ITCH: variants seen among roughly 807,000 people sequenced by gnomAD.
ITCH encodes the protein itchy E3 ubiquitin protein ligase.
A neutral mutation model predicts 126.8 loss-of-function variants in ITCH; 28 were observed. The observed-to-expected ratio is 0.22, with a 90% CI of 0.16 to 0.30. ITCH has a LOEUF of 0.30. ITCH is among the 10% of genes least tolerant of loss of function. The pLI is 1.00. For synonymous variants in ITCH, 342 were observed against 340.0 expected, an observed-to-expected ratio of 1.01 and a Z score of -0.06; for missense variants, 631 against 1,032.4, an observed-to-expected ratio of 0.61 and a Z score of 5.33.
intron 18 of ITCH, 101 bp downstream of exon 18, chr20:34,479,890 T>C (rs1988570599): frequency 9.9e-7 from 1 of 1,014,288 alleles, no homozygotes; most frequent in South Asian, 1.3e-5. Flanking sequence ...GGAAGTGGTT[T>C]TTTGTTTTGT....
In ITCH at chr20:34,482,735, C is replaced by T. The variant is rs762673882; in HGVS notation, c.2093+1529C>T. On this transcript the variant is annotated intron_variant, in intron 20 of 24. Transcript: ENST00000374864. ...ATCTACCATTCTGGGGTCTAGAGGACGGTTGCCCTCTTCTCACAGCTCCAC... is the reference window on the plus strand; with the variant it reads ...ATCTACCATTCTGGGGTCTAGAGGATGGTTGCCCTCTTCTCACAGCTCCAC... Among the ~76,000 whole-genome samples, 12 of 152,164 alleles carry T rather than the reference C, an allele frequency of 7.9e-5. No individual in the cohort carries two copies. In the East Asian group the frequency reaches 9.6e-4, roughly 12 times the overall value.
chr20:34,466,992 A>C (rs1332848877), intron 14 of ITCH, among the ~76,000 whole-genome samples: 1 of 152,196 alleles, frequency 6.6e-6, no homozygotes, highest in Non-Finnish European at 1.5e-5. Context: ...CTAGAAGATA[A>C]ATTTTTGGTA....
At chr20:34,403,057 A>G (rs1459210123) in intron 3 of ITCH, among the ~76,000 whole-genome samples, 1 of 151,972 alleles carries the variant, frequency 6.6e-6, no homozygotes, top group Non-Finnish European at 1.5e-5. Context: ...AGAATTTTAT[A>G]CTTGTGATTT....
Position 34,417,172 on chromosome 20 carries a change from C to A in ITCH, c.475+3293C>A, listed in dbSNP as rs962670147. ...AGTGCAATAGTGCGATCTCGGCTCA[C>A]TGCAACCTCTGCCTCCCGGGTTTAA... On this transcript the variant is annotated intron_variant, in intron 6 of 24. Coordinates refer to ENST00000374864, the MANE Select transcript of ITCH (RefSeq NM_031483.7). The A allele has an allele frequency of 8.8e-6, 6 of 683,338 alleles. No individual in the cohort carries two copies. The Admixed American group carries it at 1.2e-4, about 14-fold the overall frequency. 42.3% of individuals were successfully genotyped at this position (683,338 alleles called of 1,614,324 possible). A position where few individuals can be genotyped will look rare whatever the true frequency, so the allele number is the denominator to read the frequency against.
intron 11 of ITCH, among the ~76,000 whole-genome samples, chr20:34,445,779 T>G (rs1375731504): frequency 6.6e-6 from 1 of 152,156 alleles, no homozygotes; most frequent in East Asian, 1.9e-4. Context: ...ATTAAAACAT[T>G]TCTAAATTTA....
intron 2 of ITCH, among the ~76,000 whole-genome samples, chr20:34,375,557 G>A (rs975668801): frequency 4.6e-5 from 7 of 151,762 alleles, no homozygotes; most frequent in Admixed American, 3.9e-4. Flanking sequence ...AACATAGTGA[G>A]ACCCCATCTT....
At chr20:34,371,007 A>G (rs1388818550) in intron 2 of ITCH, among the ~76,000 whole-genome samples, 126 of 151,874 alleles carry the variant, frequency 8.3e-4, no homozygotes, top group African/African-American at 2.9e-3. Flanking sequence ...TCTCTACTAA[A>G]AGTACAAAAA....
rs11477181 is a variant in ITCH at position 34,387,704 on chromosome 20, A to AT, written c.-21-6076dup. On this transcript the variant is annotated intron_variant, in intron 2 of 24. Transcript: ENST00000374864. The stretch of plus-strand genomic sequence containing the variant: ...TAGAGTTTTAAAATATTGTTACTAG[A>AT]TTTTTTTTTTTCTTTTTTGAGATGG... Among the ~76,000 whole-genome samples the AT allele has an allele frequency of 1.5e-3, 230 of 148,958 alleles. 1 individual carries two copies. Among genetic ancestry groups the AT allele is most frequent in the African/African-American group, 4.8e-3 (195 of 40,552 alleles).
intron 22 of ITCH, among the ~76,000 whole-genome samples, chr20:34,490,181 T>C (rs1317315154): frequency 6.6e-6 from 1 of 152,192 alleles, no homozygotes; most frequent in Non-Finnish European, 1.5e-5. Context: ...CTACATTTGA[T>C]TTAAATGGTT....
chr20:34,504,762 A>C (rs1990514618), intron 24 of ITCH, among the ~76,000 whole-genome samples: 1 of 152,202 alleles, frequency 6.6e-6, no homozygotes, highest in South Asian at 2.1e-4. Flanking sequence ...ATCTAATCCT[A>C]ATCTGACAGC....
chr20:34,411,509 G>C (rs894656267), intron 4 of ITCH, among the ~76,000 whole-genome samples: 14 of 152,268 alleles, frequency 9.2e-5, no homozygotes, highest in African/African-American at 3.1e-4. Flanking sequence ...AGTAGCATCT[G>C]AGAATTTTGA....
chr20:34,380,768 C>G (rs1316109022), intron 2 of ITCH, among the ~76,000 whole-genome samples: 2 of 151,680 alleles, frequency 1.3e-5, no homozygotes, highest in Non-Finnish European at 2.9e-5. Flanking sequence ...TGAGTGCAAT[C>G]AAAATTAGAA....
At chr20:34,408,944 T>C in intron 4 of ITCH, 152 bp downstream of exon 4, 1 of 781,922 alleles carries the variant, frequency 1.3e-6, no homozygotes, top group African/African-American at 1.8e-5. Context: ...GGACTCCTTC[T>C]GGTTTGCTTT....
Position 34,424,542 on chromosome 20 carries a change from T to G in ITCH, c.521+17T>G. On this transcript the variant is annotated intron_variant, in intron 7 of 24. Transcript: ENST00000374864. ...TGAAACAAGGTAAGCATTCACTGAT[T>G]GCTTACCACAGAATGCGGAGAGATA... is the stretch of plus-strand genomic sequence containing the variant. The G allele has an allele frequency of 6.2e-7, 1 of 1,601,624 alleles. No individual in the cohort carries two copies. Among genetic ancestry groups the G allele is most frequent in the Non-Finnish European group, 8.6e-7 (1 of 1,168,654 alleles).
At chr20:34,500,473 G>T (rs192341889) in intron 23 of ITCH, among the ~76,000 whole-genome samples, 1 of 152,180 alleles carries the variant, frequency 6.6e-6, no homozygotes, top group African/African-American at 2.4e-5. Context: ...CCTGATATAT[G>T]TATAGCTACT....
At chr20:34,433,778 T>C (rs1481477663) in intron 7 of ITCH, among the ~76,000 whole-genome samples, 2 of 151,770 alleles carry the variant, frequency 1.3e-5, no homozygotes, top group African/African-American at 2.4e-5. Flanking sequence ...AAATGCCCAA[T>C]ATGTATTGAG....
intron 1 of ITCH, among the ~76,000 whole-genome samples, chr20:34,365,560 G>A (rs1251727836): frequency 6.6e-6 from 1 of 151,926 alleles, no homozygotes; most frequent in Non-Finnish European, 1.5e-5. Context: ...GACTACAGGC[G>A]CGTGCCACCA....
Position 34,482,852 on chromosome 20 carries a change from G to A in ITCH, c.2093+1646G>A, listed in dbSNP as rs1988854850. On this transcript the variant is annotated intron_variant, in intron 20 of 24. Transcript: ENST00000374864. ...AGCAGAGGTTCTCTGTGAGTGCCCT[G>A]CCCCTGCAAGCAGACTTTTGCCTGG... 3.3e-5 allele frequency among the ~76,000 whole-genome samples: 5 copies of A among 152,164 alleles called. No individual in the cohort carries two copies. In the South Asian group the frequency reaches 1.0e-3, roughly 31 times the overall value.
intron 2 of ITCH, among the ~76,000 whole-genome samples, chr20:34,376,170 C>A (rs2037837182): frequency 6.6e-6 from 1 of 152,036 alleles, no homozygotes; most frequent in African/African-American, 2.4e-5. Flanking sequence ...TGACTTTCTG[C>A]AGCATAACCC....
Sources: allele counts gnomAD v4.1 joint callset (sites outside exome capture counted in the v4.1 genomes callset), GRCh38; gene constraint gnomAD v4.1.1; transcripts MANE v1.5; gene names NCBI Gene and HGNC (gene_info 2026-07-23, HGNC 2026-07-21).